TMEM232: variants seen among roughly 807,000 people sequenced by gnomAD.
TMEM232 encodes the protein transmembrane protein 232.
Under a neutral mutation model 78.8 loss-of-function variants are expected in TMEM232, and 80 were observed. That is an observed-to-expected ratio of 1.01 (90% confidence interval 0.85 to 1.22). TMEM232 has a LOEUF of 1.22. TMEM232 is among the 50% of genes most tolerant of loss of function. The probability of loss-of-function intolerance (pLI) is 0.00; values close to 1 mark genes in which losing one functional copy is unlikely to be tolerated. For missense variants in TMEM232, 881 were observed against 742.2 expected (o/e 1.19, Z -2.17); for synonymous variants, 297 against 254.3 (o/e 1.17, Z -1.60).
chr5:110,646,746 G>A (rs1787536976), intron 2 of TMEM232, among the ~76,000 whole-genome samples: 1 of 151,762 alleles, frequency 6.6e-6, no homozygotes, highest in African/African-American at 2.4e-5. Flanking sequence ...GAGTGAACAG[G>A]CAATCTACGA....
chr5:110,428,937 AAAAT>A (rs1341738176), intron 12 of TMEM232, among the ~76,000 whole-genome samples: 2 of 151,876 alleles, frequency 1.3e-5, no homozygotes, highest in Admixed American at 6.6e-5. Context: ...TCAGGAAAAG[AAAAT>A]AAATAACTCA....
At chr5:110,636,258 T>C (rs915058852) in intron 5 of TMEM232, among the ~76,000 whole-genome samples, 20 of 151,680 alleles carry the variant, frequency 1.3e-4, no homozygotes, top group African/African-American at 4.8e-4. Context: ...TATCAGAGAC[T>C]AAAAAGGGTG....
chr5:110,529,290 G>A (rs1028617913), intron 11 of TMEM232, among the ~76,000 whole-genome samples: 1 of 151,444 alleles, frequency 6.6e-6, no homozygotes, highest in African/African-American at 2.4e-5. Flanking sequence ...GTGTCTCCCA[G>A]ACTGGAGTGC....
At chr5:110,457,203 C>T (rs921980031) in intron 12 of TMEM232, among the ~76,000 whole-genome samples, 2 of 151,892 alleles carry the variant, frequency 1.3e-5, no homozygotes, top group African/African-American at 4.8e-5. Context: ...TAAAAGTGAA[C>T]AAATGATTTC....
intron 12 of TMEM232, among the ~76,000 whole-genome samples, chr5:110,481,689 G>C (rs1763881198): frequency 6.6e-6 from 1 of 152,156 alleles, no homozygotes. Context: ...TACTACTTCA[G>C]AACATGGGAA....
At chr5:110,534,880 C>G (rs535302239) in intron 11 of TMEM232, among the ~76,000 whole-genome samples, 1 of 152,216 alleles carries the variant, frequency 6.6e-6, no homozygotes, top group African/African-American at 2.4e-5. Context: ...CAGGCCATCA[C>G]CAATAATTCT....
intron 12 of TMEM232, among the ~76,000 whole-genome samples, chr5:110,492,570 T>C (rs1337122810): frequency 6.6e-6 from 1 of 151,968 alleles, no homozygotes; most frequent in Non-Finnish European, 1.5e-5. Flanking sequence ...CAACTATTCT[T>C]ATGTCAAAAG....
chr5:110,420,548 T>C lies in TMEM232; in HGVS notation c.*32A>G, dbSNP rs1469803535. 1.5e-6 allele frequency: 2 copies of C among 1,373,996 alleles called. No individual in the cohort carries two copies. Among genetic ancestry groups the C allele is most frequent in the Non-Finnish European group, 1.9e-6 (2 of 1,056,490 alleles). The allele number at this position is 1,373,996 out of a possible 1,614,324, so 85.1% of individuals were successfully genotyped here. On this transcript the variant is annotated 3_prime_UTR_variant, in exon 14 of 14. Transcript: ENST00000455884. ...CCTATGTATTTCTGCCATGTAGTCCTCAATTTTGGGAGGTGACATTTTCTT... is the reference window on the plus strand; with the variant it reads ...CCTATGTATTTCTGCCATGTAGTCCCCAATTTTGGGAGGTGACATTTTCTT...
chr5:110,398,803 A>G (rs1755486156), intron 2 of TMEM232, among the ~76,000 whole-genome samples: 2 of 152,098 alleles, frequency 1.3e-5, no homozygotes, highest in African/African-American at 2.4e-5. Context: ...AGCTGTAATT[A>G]CTAGTGGTGT....
At chr5:110,627,676 T>A in intron 6 of TMEM232, 105 bp downstream of exon 6, 1 of 846,836 alleles carries the variant, frequency 1.2e-6, no homozygotes, top group Non-Finnish European at 1.7e-6. Flanking sequence ...ACCTATTATC[T>A]TTTATGAAAA....
chr5:110,578,555 C>T (rs1482535124), intron 10 of TMEM232, among the ~76,000 whole-genome samples: 1 of 151,916 alleles, frequency 6.6e-6, no homozygotes, highest in Non-Finnish European at 1.5e-5. Context: ...AATTTGTTCA[C>T]CTATAACTGC....
rs1405967543 is a variant in TMEM232 at position 110,424,927 on chromosome 5, G to A, written c.1704-11C>T. 6.5e-7 allele frequency: 1 copy of A among 1,536,672 alleles called. No homozygotes were observed. The highest frequency in any genetic ancestry group is 8.8e-7 in the Non-Finnish European group (1 of 1,136,682). Reference sequence around the variant, plus strand: ...ACAGAAGGATGTTCCCTTCAAAAGAGCACAAGAACAAATCCAACATTAGGT... The same window carrying A: ...ACAGAAGGATGTTCCCTTCAAAAGAACACAAGAACAAATCCAACATTAGGT... On this transcript the variant is annotated splice_polypyrimidine_tract_variant and intron_variant, in intron 12 of 13. Transcript: ENST00000455884.
chr5:110,446,984 C>T (rs1759722835), intron 12 of TMEM232, among the ~76,000 whole-genome samples: 1 of 151,820 alleles, frequency 6.6e-6, no homozygotes, highest in Non-Finnish European at 1.5e-5. Flanking sequence ...GACCCTCGTA[C>T]TCTTTAAATA....
chr5:110,469,633 A>G (rs1031623017), intron 12 of TMEM232, among the ~76,000 whole-genome samples: 17 of 152,104 alleles, frequency 1.1e-4, no homozygotes, highest in Admixed American at 9.8e-4. Flanking sequence ...TTGCTGCTGC[A>G]CCCTGTTCCC....
At chr5:110,579,680 G>A (rs994593215) in intron 10 of TMEM232, among the ~76,000 whole-genome samples, 8 of 150,650 alleles carry the variant, frequency 5.3e-5, no homozygotes, top group Non-Finnish European at 1.2e-4. Context: ...GAAGTTACAC[G>A]AAAGAAAAAG....
At chr5:110,592,532 A>C (rs966904213) in intron 10 of TMEM232, among the ~76,000 whole-genome samples, 2 of 152,174 alleles carry the variant, frequency 1.3e-5, no homozygotes, top group Non-Finnish European at 2.9e-5. Flanking sequence ...AACCTTTAAA[A>C]GCATTCAACA....
chr5:110,657,567 G>A (rs771501575), intron 2 of TMEM232, among the ~76,000 whole-genome samples: 2 of 152,172 alleles, frequency 1.3e-5, no homozygotes, highest in Non-Finnish European at 2.9e-5. Flanking sequence ...GAATTAGAGG[G>A]TAGAATTGTT....
At chr5:110,395,501 T>C (rs1412885231) in intron 3 of TMEM232, among the ~76,000 whole-genome samples, 1 of 152,194 alleles carries the variant, frequency 6.6e-6, no homozygotes, top group East Asian at 1.9e-4. Flanking sequence ...ATGTCTCGAC[T>C]CTTATTTGAT....
At chr5:110,389,939 G>A (rs1413903980) in intron 4 of TMEM232, among the ~76,000 whole-genome samples, 1 of 152,100 alleles carries the variant, frequency 6.6e-6, no homozygotes, top group African/African-American at 2.4e-5. Context: ...CCTCTGTGAC[G>A]GCACTACTCT....
Sources: allele counts gnomAD v4.1 joint callset (sites outside exome capture counted in the v4.1 genomes callset), GRCh38; gene constraint gnomAD v4.1.1; transcripts MANE v1.5; gene names NCBI Gene and HGNC (gene_info 2026-07-23, HGNC 2026-07-21).